SOX5: variants seen among roughly 807,000 people sequenced by gnomAD.
The protein encoded by SOX5 is SRY-box transcription factor 5, also known as transcription factor SOX-5.
A neutral mutation model predicts 92.0 loss-of-function variants in SOX5; 9 were observed. The ratio of observed to expected loss-of-function variants is 0.10; its 90% CI spans 0.06 to 0.17. SOX5 has a LOEUF of 0.17. Ranked by LOEUF, SOX5 falls within the 10% of genes least tolerant of loss-of-function variation. SOX5 has a pLI of 1.00. For synonymous variants in SOX5, 344 were observed against 336.3 expected, an observed-to-expected ratio of 1.02 and a Z score of -0.25; for missense variants, 642 against 944.5, an observed-to-expected ratio of 0.68 and a Z score of 4.20.
At chr12:24,561,515 C>T (rs1954337732) in intron 1 of SOX5, among the ~76,000 whole-genome samples, 1 of 152,194 alleles carries the variant, frequency 6.6e-6, no homozygotes, top group Admixed American at 6.5e-5. Flanking sequence ...CTCGTATAAC[C>T]TCTTTTCATT....
chr12:23,911,040 G>T (rs1244468582), intron 1 of SOX5, among the ~76,000 whole-genome samples: 1 of 151,852 alleles, frequency 6.6e-6, no homozygotes, highest in Non-Finnish European at 1.5e-5. Flanking sequence ...TTATGAAACA[G>T]ATATTTTATA....
At chr12:24,257,069 G>A (rs1941321232) in intron 3 of SOX5, among the ~76,000 whole-genome samples, 1 of 152,210 alleles carries the variant, frequency 6.6e-6, no homozygotes, top group Admixed American at 6.5e-5. Context: ...TACTTTCACA[G>A]GTTTGGGTGG....
chr12:24,272,479 T>G (rs1384371158), intron 3 of SOX5, among the ~76,000 whole-genome samples: 2 of 152,296 alleles, frequency 1.3e-5, no homozygotes, highest in Admixed American at 6.5e-5. Context: ...CTTTAACATT[T>G]TACTATTACG....
chr12:23,557,356 A>T (rs1043941437), intron 11 of SOX5, among the ~76,000 whole-genome samples: 1 of 152,212 alleles, frequency 6.6e-6, no homozygotes, highest in Non-Finnish European at 1.5e-5. Context: ...TCAGCAGAAA[A>T]AGGAAGACAT....
rs143847734 is a variant in SOX5 at position 24,413,599 on chromosome 12, G to T, written c.-250-44960C>A. Among the ~76,000 whole-genome samples the T allele has an allele frequency of 1.3e-4, 20 of 152,256 alleles. No homozygotes were observed. The East Asian group carries it at 3.7e-3, about 28-fold the overall frequency. ...GTTATGCCTCATTTCCTTAAGGAAG[G>T]CAAAATAAGAACATGGCAGATGGAA... On this transcript the variant is annotated intron_variant, in intron 1 of 4. Coordinates refer to the SOX5 transcript ENST00000446891.
intron 4 of SOX5, among the ~76,000 whole-genome samples, chr12:24,134,028 G>A (rs1483530693): frequency 6.6e-6 from 1 of 152,048 alleles, no homozygotes; most frequent in Non-Finnish European, 1.5e-5. Context: ...GTTTGCTAAT[G>A]GAACACCTCT....
At chr12:23,908,037 G>A (rs1451937186) in intron 1 of SOX5, among the ~76,000 whole-genome samples, 1 of 152,010 alleles carries the variant, frequency 6.6e-6, no homozygotes, top group Non-Finnish European at 1.5e-5. Context: ...CACATTACTG[G>A]CTAAGTCTAA....
At chr12:24,035,305 A>G (rs1955916141) in intron 4 of SOX5, among the ~76,000 whole-genome samples, 1 of 152,084 alleles carries the variant, frequency 6.6e-6, no homozygotes, top group South Asian at 2.1e-4. Context: ...GATAACAACC[A>G]CAGTTTGCAT....
At chr12:23,648,157 A>G (rs1400521308) in intron 7 of SOX5, among the ~76,000 whole-genome samples, 1 of 152,208 alleles carries the variant, frequency 6.6e-6, no homozygotes, top group Admixed American at 6.5e-5. Context: ...ATATAATAAT[A>G]ATCAAGTTTG....
chr12:23,593,856 G>A (rs1019705086), intron 9 of SOX5, among the ~76,000 whole-genome samples: 1 of 151,806 alleles, frequency 6.6e-6, no homozygotes, highest in East Asian at 1.9e-4. Context: ...AGAAGGAAGA[G>A]AAAAAAGGAG....
chr12:23,903,742 G>T (rs780610004), intron 1 of SOX5, among the ~76,000 whole-genome samples: 1 of 152,154 alleles, frequency 6.6e-6, no homozygotes, highest in Non-Finnish European at 1.5e-5. Flanking sequence ...AAGACTATTT[G>T]TTCAGGACAT....
intron 3 of SOX5, among the ~76,000 whole-genome samples, chr12:23,827,259 T>C (rs2096248451): frequency 6.6e-6 from 1 of 152,186 alleles, no homozygotes; most frequent in African/African-American, 2.4e-5. Context: ...TTCAAACAAA[T>C]TAAACTGTCT....
intron 6 of SOX5, among the ~76,000 whole-genome samples, chr12:23,713,157 G>T (rs1030023267): frequency 1.3e-5 from 2 of 152,170 alleles, no homozygotes; most frequent in African/African-American, 4.8e-5. Flanking sequence ...AAACAGTGTA[G>T]GGACAGAGGC....
At chr12:24,034,463 C>A (rs987967741) in intron 4 of SOX5, among the ~76,000 whole-genome samples, 1 of 151,492 alleles carries the variant, frequency 6.6e-6, no homozygotes, top group Non-Finnish European at 1.5e-5. Flanking sequence ...TGGGCTGTAC[C>A]AAAGTAAAAC....
intron 9 of SOX5, among the ~76,000 whole-genome samples, chr12:23,587,440 T>C (rs1950908210): frequency 6.6e-6 from 1 of 152,114 alleles, no homozygotes; most frequent in Non-Finnish European, 1.5e-5. Flanking sequence ...TTCTCTATTA[T>C]TTAAATGCCA....
intron 3 of SOX5, among the ~76,000 whole-genome samples, chr12:23,818,060 T>C (rs2096031198): frequency 6.6e-6 from 1 of 152,172 alleles, no homozygotes; most frequent in African/African-American, 2.4e-5. Context: ...ACACGAATCA[T>C]AAGGTAATGA....
At chr12:24,214,907 A>C in intron 3 of SOX5, among the ~76,000 whole-genome samples, 1 of 152,196 alleles carries the variant, frequency 6.6e-6, no homozygotes, top group African/African-American at 2.4e-5. Flanking sequence ...GAAGAATTAC[A>C]CTCTATAACC....
chr12:23,747,505 G>A (rs1362036480), intron 4 of SOX5, among the ~76,000 whole-genome samples: 1 of 152,084 alleles, frequency 6.6e-6, no homozygotes, highest in Non-Finnish European at 1.5e-5. Flanking sequence ...CTTCTTCCCT[G>A]ACATTATCTC....
At chr12:23,604,222 G>A in intron 9 of SOX5, 165 bp downstream of exon 9, 2 of 607,776 alleles carry the variant, frequency 3.3e-6, no homozygotes, top group Non-Finnish European at 5.9e-6. Context: ...ATGATTCAAT[G>A]TATGCAGATA....
Sources: allele counts gnomAD v4.1 joint callset (sites outside exome capture counted in the v4.1 genomes callset), GRCh38; gene constraint gnomAD v4.1.1; transcripts MANE v1.5; gene names NCBI Gene and HGNC (gene_info 2026-07-23, HGNC 2026-07-21).